GABRE: variants seen among roughly 807,000 people sequenced by gnomAD.
GABRE encodes gamma-aminobutyric acid receptor subunit epsilon.
GABRE carries 20 observed loss-of-function variants against 31.0 expected under a neutral mutation model. The observed-to-expected ratio is 0.64, with a 90% CI of 0.45 to 0.94. The LOEUF is 0.94. Ranked by LOEUF, GABRE falls within the 40% of genes least tolerant of loss-of-function variation. The probability of loss-of-function intolerance (pLI) is 0.00; values close to 1 mark genes in which losing one functional copy is unlikely to be tolerated. For synonymous variants in GABRE, 155 were observed against 150.6 expected, an observed-to-expected ratio of 1.03 and a Z score of -0.21; for missense variants, 420 against 410.7, an observed-to-expected ratio of 1.02 and a Z score of -0.20.
chrX:151,961,847 C>T (rs764481278), intron 4 of GABRE, among the ~76,000 whole-genome samples: 7 of 109,755 alleles, frequency 6.4e-5, no homozygotes, highest in African/African-American at 2.3e-4. Flanking sequence ...CAAAACAAAA[C>T]AAACAAACAG....
At chrX:151,967,522 A>T (rs1934560582) in intron 3 of GABRE, among the ~76,000 whole-genome samples, 1 of 112,196 alleles carries the variant, frequency 8.9e-6, no homozygotes, top group Non-Finnish European at 1.9e-5. Context: ...CAATGGTGGG[A>T]CCACAAGCCC....
intron 6 of GABRE, 156 bp from the exon 7 acceptor site, chrX:151,956,016 A>C (rs2269416): frequency 0.36 from 191,266 of 526,793 alleles, 25,470 homozygotes; most frequent in African/African-American, 0.56. Flanking sequence ...GGACCAGAAG[A>C]AGCCCAGAAA....
At chrX:151,972,006 T>G (rs887501183) in intron 1 of GABRE, 21 of 740,126 alleles carry the variant, frequency 2.8e-5, no homozygotes, top group Non-Finnish European at 3.3e-5. Flanking sequence ...TCACTCATGA[T>G]GTCTATGCTT....
At chrX:151,955,956 A>T in intron 6 of GABRE, 96 bp from the exon 7 acceptor site, 4 of 853,312 alleles carry the variant, frequency 4.7e-6, no homozygotes, top group Non-Finnish European at 6.9e-6. Flanking sequence ...TTCAGCTCAC[A>T]GTATTCCCTA....
Position 151,971,044 on chromosome X carries a change from A to G in GABRE, c.57-642T>C. 4 of 802,173 alleles carry G rather than the reference A, an allele frequency of 5.0e-6. No individual in the cohort carries two copies. In the South Asian group the frequency reaches 1.4e-4, roughly 28 times the overall value. 66.1% of individuals were successfully genotyped at this position (802,173 alleles called of 1,213,427 possible). ...AACAGGAGTCCACCCTGAGCTCCAC[A>G]GCCATGCACCACAGCCAAGAAAAAG... On this transcript the variant is annotated intron_variant, in intron 1 of 8. Coordinates refer to ENST00000370328, the MANE Select transcript of GABRE (RefSeq NM_004961.4).
Position 151,953,200 on chromosome X carries a change from T to A in GABRE, c.*1501A>T, listed in dbSNP as rs1259290327. On this transcript the variant is annotated 3_prime_UTR_variant, in exon 9 of 9. Transcript: ENST00000370328. ...CAAAAAGTAGATGGAGACCCCACCC[T>A]ATCCACCCCCCAACAAATTACAGAC... is the stretch of plus-strand genomic sequence containing the variant. 9.0e-6 allele frequency: 1 copy of A among 111,695 alleles called. No individual in the cohort carries two copies. The highest frequency in any genetic ancestry group is 2.8e-4 in the East Asian group (1 of 3,526). The allele number at this position is 111,695 out of a possible 1,213,427, so 9.2% of individuals were successfully genotyped here.
intron 1 of GABRE, chrX:151,970,992 A>T: frequency 1.9e-6 from 1 of 537,430 alleles, no homozygotes; most frequent in Non-Finnish European, 2.3e-6. Flanking sequence ...CTCCACCCAC[A>T]GACAGCCATC....
chrX:151,963,097 A>G (rs1049847282), intron 3 of GABRE, among the ~76,000 whole-genome samples: 8 of 112,363 alleles, frequency 7.1e-5, no homozygotes, highest in Admixed American at 9.4e-5. Flanking sequence ...TCCAGAAATG[A>G]TACGTCATTG....
chrX:151,961,901 G>A (rs1263967828), intron 4 of GABRE, among the ~76,000 whole-genome samples: 3 of 112,263 alleles, frequency 2.7e-5, no homozygotes, highest in East Asian at 2.8e-4. Context: ...TTAGAGAAAC[G>A]TATGGAGCAA....
At chrX:151,969,469 G>T in intron 3 of GABRE, 200 bp downstream of exon 3, 1 of 335,442 alleles carries the variant, frequency 3.0e-6, no homozygotes, top group South Asian at 1.6e-4. Context: ...TCATGATTCT[G>T]AAGATCCTCT....
In GABRE at chrX:151,972,724, A is replaced by G. The variant is rs1011817495; in HGVS notation, c.56+1846T>C. The G allele has an allele frequency of 1.0e-5, 7 of 699,980 alleles. No homozygotes were observed. In the Admixed American group the frequency reaches 6.2e-4, roughly 62 times the overall value. The allele number at this position is 699,980 out of a possible 1,213,427, so 57.7% of individuals were successfully genotyped here. A position where few individuals can be genotyped will look rare whatever the true frequency, so the allele number is the denominator to read the frequency against. ...AATTGGCTTTTGCCAGTTAAAAAAAAAAAACACAACAATAAACAAACAAAA... is the reference window on the plus strand; with the variant it reads ...AATTGGCTTTTGCCAGTTAAAAAAAGAAAACACAACAATAAACAAACAAAA... On this transcript the variant is annotated intron_variant, in intron 1 of 8. Transcript: ENST00000370328.
At position 151,962,596 on chromosome X, in the gene GABRE, G is replaced by A. The variant is rs781205145; in HGVS notation, c.390C>T (p.Arg130=). ...IIFSQTWYDE[R]LCYNDTFESL... ...ACTCAAAGGTGTCGTTGTAACAGAG[G>A]CGTTCGTCGTACCAGGTCTGGGAGA... The change falls in exon 4 of 9, where the codon CGC becomes CGT. Residue 130 remains arginine (R), a synonymous_variant. Coordinates refer to ENST00000370328, the MANE Select transcript of GABRE (RefSeq NM_004961.4). 1 of 1,211,325 alleles carries A rather than the reference G, an allele frequency of 8.3e-7. No homozygotes were observed. Among genetic ancestry groups the A allele is most frequent in the Admixed American group, 2.2e-5 (1 of 46,000 alleles).
At chrX:151,974,502 G>A (rs2472330) in intron 1 of GABRE, 68 bp downstream of exon 1, 5 of 754,332 alleles carry the variant, frequency 6.6e-6, no homozygotes, top group Non-Finnish European at 1.9e-6. Context: ...GGTCCCGGGA[G>A]CCGTCCCGGC....
intron 1 of GABRE, chrX:151,971,053 C>T: frequency 4.9e-6 from 4 of 821,944 alleles, no homozygotes; most frequent in Non-Finnish European, 5.9e-6. Context: ...CAGCCATGCA[C>T]CACAGCCAAG....
intron 3 of GABRE, among the ~76,000 whole-genome samples, chrX:151,967,339 C>T (rs1025582873): frequency 2.7e-5 from 3 of 112,156 alleles, no homozygotes; most frequent in Non-Finnish European, 5.6e-5. Context: ...AATAGCTATG[C>T]AAATTTCTGG....
Position 151,954,424 on chromosome X carries a change from T to C in GABRE, c.*277A>G, listed in dbSNP as rs1934066063. The C allele has an allele frequency of 3.5e-6, 1 of 286,236 alleles. No individual in the cohort carries two copies. Among genetic ancestry groups the C allele is most frequent in the African/African-American group, 2.7e-5 (1 of 36,469 alleles). The allele number at this position is 286,236 out of a possible 1,213,427, so 23.6% of individuals were successfully genotyped here. The stretch of plus-strand genomic sequence containing the variant: ...GGAGCTGATCACTAAGTGGCTGTGG[T>C]TTTGAACACTGAGCATCACGGATGC... On this transcript the variant is annotated 3_prime_UTR_variant, in exon 9 of 9. Transcript: ENST00000370328.
rs151124831 is a variant in GABRE, at chrX:151,963,095, T to C, written c.343-452A>G. On this transcript the variant is annotated intron_variant, in intron 3 of 8. Transcript: ENST00000370328. ...GTTCCAGAGGAGAGATCTCCAGAAATGATACGTCATTGAATCTGTCTTTTT... is the reference window on the plus strand; with the variant it reads ...GTTCCAGAGGAGAGATCTCCAGAAACGATACGTCATTGAATCTGTCTTTTT... Among the ~76,000 whole-genome samples the C allele has an allele frequency of 5.0e-3, 564 of 112,381 alleles. 3 individuals carry two copies. The highest frequency in any genetic ancestry group is 7.1e-3 in the Non-Finnish European group (376 of 53,325).
intron 1 of GABRE, chrX:151,971,399 C>G: frequency 3.9e-6 from 1 of 255,631 alleles, no homozygotes; most frequent in Non-Finnish European, 7.5e-6. Flanking sequence ...AAAGCAAACT[C>G]TTGAAAAACA....
chrX:151,957,802 T>A (rs768720441), intron 6 of GABRE: 1 of 211,434 alleles, frequency 4.7e-6, no homozygotes, highest in East Asian at 1.3e-4. Context: ...CTGCTCAAAC[T>A]CTTATCCTCT....
Sources: allele counts gnomAD v4.1 joint callset (sites outside exome capture counted in the v4.1 genomes callset), GRCh38; gene constraint gnomAD v4.1.1; transcripts MANE v1.5; gene names NCBI Gene and HGNC (gene_info 2026-07-23, HGNC 2026-07-21).